The following ERCC3 variants were observed in gnomAD, a reference collection of about 807,000 sequenced individuals.
ERCC3 encodes the protein ERCC excision repair 3, TFIIH core complex helicase subunit.
In ERCC3, 66 loss-of-function variants were observed where a neutral mutation model predicts 94.2. The ratio of observed to expected loss-of-function variants is 0.70; its 90% CI spans 0.57 to 0.86. ERCC3 has a LOEUF of 0.86. Among genes scored for constraint, ERCC3 ranks in the 40% least tolerant of loss-of-function variants. The probability of loss-of-function intolerance (pLI) is 0.00; values close to 1 mark genes in which losing one functional copy is unlikely to be tolerated. For missense variants in ERCC3, 829 were observed against 987.1 expected, an observed-to-expected ratio of 0.84 and a Z score of 2.15; for synonymous variants, 349 against 369.1, an observed-to-expected ratio of 0.95 and a Z score of 0.63.
At chr2:127,266,551 A>T (rs1200474248) in intron 12 of ERCC3, among the ~76,000 whole-genome samples, 1 of 150,430 alleles carries the variant, frequency 6.6e-6, no homozygotes, top group Non-Finnish European at 1.5e-5. Flanking sequence ...GTTAGCCAGG[A>T]TGGTCTCGAT....
At position 127,274,316 on chromosome 2, in the gene ERCC3, G is replaced by GAAA. The variant is rs58195524; in HGVS notation, c.1731-1358_1731-1356dup. ...GGCAACAGAGTGAGACTCCGTCTCA[G>GAAA]AAAAAAAAAAAAAAGAAAAAGAAAA... is the stretch of plus-strand genomic sequence containing the variant. On this transcript the variant is annotated intron_variant, in intron 10 of 14. Transcript: ENST00000285398. This position sits in a 1 kb window ranked among gnomAD's most constrained non-coding sequence, Gnocchi z 4.0. Among the ~76,000 whole-genome samples the GAAA allele has an allele frequency of 8.8e-6, 1 of 113,738 alleles. No homozygotes were observed. Among genetic ancestry groups the GAAA allele is most frequent in the Non-Finnish European group, 1.9e-5 (1 of 53,320 alleles). The allele number at this position is 113,738 out of a possible 152,430, so 74.6% of individuals were successfully genotyped here.
Position 127,293,668 on chromosome 2 carries a change from C to T in ERCC3, c.79G>A (p.Glu27Lys), listed in dbSNP as rs144596821. ...TGAGGGTCGTTCCCCGGGGCGTCCT[C>T]TTCATCATCCTCTTCATCCTCATAG... ...RHYEDEEDDE[E>K]DAPGNDPQEA... Residue 27 changes from glutamate to lysine, a missense_variant, in exon 2 of 15, where the codon GAG becomes AAG. Glu to Lys is a moderately conservative substitution (Grantham distance 56). Coordinates refer to ENST00000285398, the MANE Select transcript of ERCC3 (RefSeq NM_000122.2). 1 of 1,614,092 alleles carries T rather than the reference C, an allele frequency of 6.2e-7. No homozygotes were observed. Among genetic ancestry groups the T allele is most frequent in the Non-Finnish European group, 8.5e-7 (1 of 1,180,040 alleles).
chr2:127,260,590 G>C (rs370456646), intron 13 of ERCC3: 1 of 154,170 alleles, frequency 6.5e-6, no homozygotes, highest in Non-Finnish European at 1.4e-5. Flanking sequence ...CATTAAAAAC[G>C]TATCTCAAAA....
At chr2:127,269,846 G>A (rs1037109596) in intron 12 of ERCC3, among the ~76,000 whole-genome samples, 8 of 151,928 alleles carry the variant, frequency 5.3e-5, no homozygotes, top group Admixed American at 6.5e-5. Context: ...GTGAAACCCC[G>A]TCTTTACTAA....
At position 127,259,601 on chromosome 2, in the gene ERCC3, G is replaced by A. The variant is rs1684131217; in HGVS notation, c.2065-153C>T. The A allele has an allele frequency of 3.2e-6, 3 of 936,748 alleles. No homozygotes were observed. In the Admixed American group the frequency reaches 5.4e-5, roughly 17 times the overall value. The allele number at this position is 936,748 out of a possible 1,614,324, so 58.0% of individuals were successfully genotyped here. On this transcript the variant is annotated intron_variant, in intron 13 of 14. Transcript: ENST00000285398. This position sits in a 1 kb window ranked among gnomAD's most constrained non-coding sequence, Gnocchi z 4.9. The stretch of plus-strand genomic sequence containing the variant: ...TGGAGAGCTCCTCCCTAGCATTCCA[G>A]AGACCAGCATCAGGAGCCGCCTTTA...
chr2:127,272,851 T>C lies in ERCC3; in HGVS notation c.1827+14A>G. On this transcript the variant is annotated intron_variant, in intron 11 of 14. Coordinates refer to ENST00000285398, the MANE Select transcript of ERCC3 (RefSeq NM_000122.2). ...TGCTAGGGGCCTCACCTCCACCCCATATGCCACACAAACCTTGGATATGAA... is the reference window on the plus strand; with the variant it reads ...TGCTAGGGGCCTCACCTCCACCCCACATGCCACACAAACCTTGGATATGAA... 1.3e-6 allele frequency: 2 copies of C among 1,580,026 alleles called. No homozygotes were observed. The highest frequency in any genetic ancestry group is 1.3e-5 in the African/African-American group (1 of 74,358).
rs1685169910 is a variant in ERCC3 at position 127,288,883 on chromosome 2, A to T, written c.823-19T>A. 6.3e-7 allele frequency: 1 copy of T among 1,599,358 alleles called. No individual in the cohort carries two copies. On this transcript the variant is annotated intron_variant, in intron 6 of 14. Coordinates refer to ENST00000285398, the MANE Select transcript of ERCC3 (RefSeq NM_000122.2). ...TCATTTCCTGGAAAGAGGGCACAAA[A>T]GGGGTTTTAAAATCTTGTTACTGTG...
In ERCC3 at chr2:127,274,050, A is replaced by G. The variant is rs936323979; in HGVS notation, c.1731-1089T>C. 6.6e-6 allele frequency among the ~76,000 whole-genome samples: 1 copy of G among 151,816 alleles called. No individual in the cohort carries two copies. Among genetic ancestry groups the G allele is most frequent in the Non-Finnish European group, 1.5e-5 (1 of 67,968 alleles). On this transcript the variant is annotated intron_variant, in intron 10 of 14. Coordinates refer to ENST00000285398, the MANE Select transcript of ERCC3 (RefSeq NM_000122.2). This position sits in a 1 kb window ranked among gnomAD's most constrained non-coding sequence, Gnocchi z 4.0. ...AAAATCCAGCCAGGCGCGGTGGCTC[A>G]CACCTGTAATCCCAGCACTTTGGGA...
At chr2:127,260,999 C>T (rs1684173166) in intron 13 of ERCC3, 1 of 546,444 alleles carries the variant, frequency 1.8e-6, no homozygotes, top group South Asian at 2.0e-5. Context: ...CTCAGATTCA[C>T]ACAGTGCTGG....
At chr2:127,282,091 T>C (rs1684934413) in intron 8 of ERCC3, among the ~76,000 whole-genome samples, 1 of 152,088 alleles carries the variant, frequency 6.6e-6, no homozygotes, top group Non-Finnish European at 1.5e-5. Flanking sequence ...TACTACTCAA[T>C]ATATTTTTAC....
At position 127,292,590 on chromosome 2, in the gene ERCC3, T is replaced by C. The variant is rs748727624; in HGVS notation, c.471+20A>G. 2.8e-5 allele frequency: 41 copies of C among 1,482,500 alleles called. No homozygotes were observed. Among genetic ancestry groups the C allele is most frequent in the Non-Finnish European group, 3.7e-5 (39 of 1,060,712 alleles). The allele number at this position is 1,482,500 out of a possible 1,614,324, so 91.8% of individuals were successfully genotyped here. A position where few individuals can be genotyped will look rare whatever the true frequency, so the allele number is the denominator to read the frequency against. ...ACATTAGCAGGGCAGGTGGAATTGC[T>C]GGTCTCAGCTGTCACTTGCCTTAAT... On this transcript the variant is annotated intron_variant, in intron 3 of 14. Transcript: ENST00000285398.
rs905857281 is a variant in ERCC3, at chr2:127,280,032, T to G, written c.1527+415A>C. Reference sequence around the variant, plus strand: ...AGCACTGCTACTGAGTACCGCCACCTCTTCACACACTTCCCAGCAGGGCTG... The same window carrying G: ...AGCACTGCTACTGAGTACCGCCACCGCTTCACACACTTCCCAGCAGGGCTG... On this transcript the variant is annotated intron_variant, in intron 9 of 14. Transcript: ENST00000285398. This position sits in a 1 kb window ranked among gnomAD's most constrained non-coding sequence, Gnocchi z 6.3. Among the ~76,000 whole-genome samples, 1 of 152,086 alleles carries G rather than the reference T, an allele frequency of 6.6e-6. No homozygotes were observed. The highest frequency in any genetic ancestry group is 1.5e-5 in the Non-Finnish European group (1 of 68,010).
chr2:127,288,535 G>C, intron 7 of ERCC3, 125 bp downstream of exon 7: 1 of 855,414 alleles, frequency 1.2e-6, no homozygotes, highest in Non-Finnish European at 2.0e-6. Context: ...ATGAATCAGG[G>C]AGTCACCTGA....
In ERCC3 at chr2:127,271,087, G is replaced by A. The variant is rs1684533070; in HGVS notation, c.1945+249C>T. Among the ~76,000 whole-genome samples the A allele has an allele frequency of 6.6e-6, 1 of 152,106 alleles. No homozygotes were observed. The highest frequency in any genetic ancestry group is 2.4e-5 in the African/African-American group (1 of 41,410). The stretch of plus-strand genomic sequence containing the variant: ...CTCCCTCTCACCATCTACCAACACA[G>A]CTGCACAGTGTACAGAGCACATCTG... On this transcript the variant is annotated intron_variant, in intron 12 of 14. Transcript: ENST00000285398. The surrounding 1 kb of genome is among the most constrained non-coding windows in gnomAD (Gnocchi z 5.0).
rs1247301180 is a variant in ERCC3, at chr2:127,288,592, A to C, written c.1027+68T>G. On this transcript the variant is annotated intron_variant, in intron 7 of 14. Coordinates refer to ENST00000285398, the MANE Select transcript of ERCC3 (RefSeq NM_000122.2). ...TGATTTAGGGAAATGTGCAGAGAGA[A>C]AGCGGGAGGCAGCTGGCAGATCCAG... is the stretch of plus-strand genomic sequence containing the variant. 4 of 1,324,656 alleles carry C rather than the reference A, an allele frequency of 3.0e-6. No homozygotes were observed. In the African/African-American group the frequency reaches 5.8e-5, roughly 19 times the overall value. 82.1% of individuals were successfully genotyped at this position (1,324,656 alleles called of 1,614,324 possible). A position where few individuals can be genotyped will look rare whatever the true frequency, so the allele number is the denominator to read the frequency against.
At chr2:127,287,823 GA>G (rs1175108132) in intron 7 of ERCC3, among the ~76,000 whole-genome samples, 2 of 152,044 alleles carry the variant, frequency 1.3e-5, no homozygotes, top group Non-Finnish European at 2.9e-5. Flanking sequence ...TGTGTACAGA[GA>G]AAATGAAATT....
At position 127,279,892 on chromosome 2, in the gene ERCC3, A is replaced by C. The variant is rs1481326616; in HGVS notation, c.1528-517T>G. On this transcript the variant is annotated intron_variant, in intron 9 of 14. Coordinates refer to ENST00000285398, the MANE Select transcript of ERCC3 (RefSeq NM_000122.2). The surrounding 1 kb of genome is among the most constrained non-coding windows in gnomAD (Gnocchi z 4.7). The stretch of plus-strand genomic sequence containing the variant: ...ATGTTAACCACTTAAAAGATTTTTA[A>C]ATGCAATCACATCCAGGGAGTTATT... 1.3e-5 allele frequency among the ~76,000 whole-genome samples: 2 copies of C among 152,216 alleles called. No homozygotes were observed. Among genetic ancestry groups the C allele is most frequent in the Admixed American group, 6.5e-5 (1 of 15,286 alleles).
chr2:127,273,069 C>T (rs745878322), intron 10 of ERCC3, 108 bp from the exon 11 acceptor site: 4 of 741,868 alleles, frequency 5.4e-6, no homozygotes, highest in Non-Finnish European at 9.7e-6. Context: ...AGTAGAAAGC[C>T]CTCGTCATGT....
At position 127,257,798 on chromosome 2, in the gene ERCC3, TCA is replaced by T; in HGVS notation, c.2218-73_2218-72del. The T allele has an allele frequency of 6.6e-7, 1 of 1,524,814 alleles. No homozygotes were observed. The highest frequency in any genetic ancestry group is 9.1e-7 in the Non-Finnish European group (1 of 1,102,582). 94.5% of individuals were successfully genotyped at this position (1,524,814 alleles called of 1,614,324 possible). ...GATACTCCTTTTATAATACTTATAATCACAGCAAATTTTATAAGACTTACATA... is the reference window on the plus strand; with the variant it reads ...GATACTCCTTTTATAATACTTATAATCAGCAAATTTTATAAGACTTACATA... On this transcript the variant is annotated intron_variant, in intron 14 of 14. Coordinates refer to ENST00000285398, the MANE Select transcript of ERCC3 (RefSeq NM_000122.2). The surrounding 1 kb of genome is among the most constrained non-coding windows in gnomAD (Gnocchi z 5.4).
Sources: gnomAD v4.1 joint callset for allele counts (sites outside exome capture counted in the v4.1 genomes callset) on GRCh38, gnomAD v4.1.1 for gene constraint, Gnocchi (gnomAD v3.1) non-coding constraint, MANE v1.5 for transcripts, NCBI Gene and HGNC (gene_info 2026-07-23, HGNC 2026-07-21) for gene names.